SRPRB: variants seen among roughly 807,000 people sequenced by gnomAD.
SRPRB encodes SRP receptor subunit beta, also known as signal recognition particle receptor subunit beta.
In SRPRB, 20 loss-of-function variants were observed where a neutral mutation model predicts 31.9. The observed-to-expected ratio is 0.63, with a 90% CI of 0.44 to 0.91. SRPRB has a LOEUF of 0.91. SRPRB is among the 40% of genes least tolerant of loss of function. The pLI, the probability that SRPRB is intolerant of heterozygous loss-of-function variation, is 0.00. For synonymous variants in SRPRB, 146 were observed against 132.8 expected, an observed-to-expected ratio of 1.10 and a Z score of -0.68; for missense variants, 321 against 324.9, an observed-to-expected ratio of 0.99 and a Z score of 0.09.
chr3:133,816,611 G>T lies in SRPRB; in HGVS notation c.548-267G>T, dbSNP rs560704683. Among the ~76,000 whole-genome samples the T allele has an allele frequency of 2.0e-5, 3 of 152,268 alleles. No homozygotes were observed. In the East Asian group the frequency reaches 5.8e-4, roughly 29 times the overall value. On this transcript the variant is annotated intron_variant, in intron 5 of 6. Coordinates refer to ENST00000678299, the MANE Select transcript of SRPRB (RefSeq NM_001379313.1). ...TAAACTTATATGTTTTGAATTGAAA[G>T]GTCTATAAGGTGTGGAGAACTTTAG...
chr3:133,784,713 C>CCCTA (rs1445681959), intron 1 of SRPRB: 1 of 152,074 alleles, frequency 6.6e-6, no homozygotes, highest in East Asian at 1.9e-4. Flanking sequence ...GAAACCATGC[C>CCCTA]CCTACCTTCC....
upstream of SRPRB, among the ~76,000 whole-genome samples, chr3:133,803,729 T>G (rs1222262153): frequency 6.6e-6 from 1 of 151,172 alleles, no homozygotes; most frequent in Admixed American, 6.6e-5. Flanking sequence ...CAGTGGCATG[T>G]GATCACAGCT....
chr3:133,792,714 T>C (rs2107955253), intron 1 of SRPRB: 1 of 152,294 alleles, frequency 6.6e-6, no homozygotes, highest in East Asian at 1.9e-4. Flanking sequence ...GGCATGGGAA[T>C]GTAGATTTTT....
At chr3:133,804,079 G>C (rs533032079), upstream of SRPRB, among the ~76,000 whole-genome samples, 1 of 118,350 alleles carries the variant, frequency 8.4e-6, no homozygotes, top group Non-Finnish European at 1.6e-5. Context: ...CTGGGCAACA[G>C]AGCGAGACTC....
downstream of SRPRB, among the ~76,000 whole-genome samples, chr3:133,824,053 C>T (rs1481134354): frequency 6.6e-6 from 1 of 152,096 alleles, no homozygotes; most frequent in Non-Finnish European, 1.5e-5. Flanking sequence ...CATCTTTACC[C>T]CTTCGGAGTT....
intron 6 of SRPRB, 98 bp downstream of exon 6, chr3:133,817,030 C>T: frequency 5.4e-6 from 5 of 926,358 alleles, no homozygotes; most frequent in Non-Finnish European, 8.0e-6. Context: ...ATGTGATTAT[C>T]ACAATTATAG....
intron 1 of SRPRB, chr3:133,794,734 G>T (rs1336092747): frequency 6.6e-6 from 1 of 152,202 alleles, no homozygotes; most frequent in Non-Finnish European, 1.5e-5. Flanking sequence ...GCTAACCAGG[G>T]AAGTTTCTCT....
At chr3:133,814,233 G>A (rs62280622) in intron 4 of SRPRB, among the ~76,000 whole-genome samples, 5,906 of 150,782 alleles carry the variant, frequency 0.039, 134 homozygotes, top group South Asian at 0.066. Flanking sequence ...CCAGGTTTAC[G>A]CCATTCTCCT....
upstream of SRPRB, among the ~76,000 whole-genome samples, chr3:133,804,144 CAG>C (rs1421604324): frequency 6.8e-6 from 1 of 146,254 alleles, no homozygotes; most frequent in East Asian, 2.0e-4. Context: ...TTTGCAGAGA[CAG>C]AGTCTCACTA....
intron 6 of SRPRB, among the ~76,000 whole-genome samples, 196 bp from the exon 7 acceptor site, chr3:133,819,357 C>A (rs1442342354): frequency 4.0e-5 from 6 of 149,604 alleles, no homozygotes; most frequent in Non-Finnish European, 8.9e-5. Context: ...CTGACCCCCC[C>A]AGCCCGCCCC....
intron 1 of SRPRB, chr3:133,789,176 A>C (rs1934766083): frequency 6.6e-6 from 1 of 152,278 alleles, no homozygotes. Flanking sequence ...TCTAAGGACT[A>C]GTACTAAGCC....
chr3:133,798,587 A>T (rs1441692378), intron 1 of SRPRB, among the ~76,000 whole-genome samples: 1 of 152,210 alleles, frequency 6.6e-6, no homozygotes. Flanking sequence ...GAAAGGCAGG[A>T]TTACATTTTT....
Position 133,820,696 on chromosome 3 carries a change from T to G in SRPRB, c.*930T>G, listed in dbSNP as rs1935456466. The G allele has an allele frequency of 6.8e-6, 1 of 147,234 alleles. No individual in the cohort carries two copies. Among genetic ancestry groups the G allele is most frequent in the South Asian group, 2.3e-4 (1 of 4,386 alleles). The allele number at this position is 147,234 out of a possible 1,614,324, so 9.1% of individuals were successfully genotyped here. Reference sequence around the variant, plus strand: ...GCCTTTTTGAAGTGATGTTTTTTGCTGTCTTCTTAAACACAAGGCTTTTTT... The same window carrying G: ...GCCTTTTTGAAGTGATGTTTTTTGCGGTCTTCTTAAACACAAGGCTTTTTT... On this transcript the variant is annotated 3_prime_UTR_variant, in exon 7 of 7. Transcript: ENST00000678299.
Position 133,819,903 on chromosome 3 carries a change from T to C in SRPRB, c.*137T>C. On this transcript the variant is annotated 3_prime_UTR_variant, in exon 7 of 7. Transcript: ENST00000678299. ...CTTTGTTCTGGAAACAAAGTACTGT[T>C]GAAACCAGCTTGGAATTTTTTTTTT... 3.7e-6 allele frequency: 3 copies of C among 801,550 alleles called. No individual in the cohort carries two copies. Among genetic ancestry groups the C allele is most frequent in the African/African-American group, 1.7e-5 (1 of 57,320 alleles). The allele number at this position is 801,550 out of a possible 1,614,324, so 49.7% of individuals were successfully genotyped here. A position where few individuals can be genotyped will look rare whatever the true frequency, so the allele number is the denominator to read the frequency against.
chr3:133,809,566 G>T (rs1202452672), intron 3 of SRPRB, among the ~76,000 whole-genome samples: 27 of 151,844 alleles, frequency 1.8e-4, no homozygotes, highest in Non-Finnish European at 1.0e-4. Context: ...GAAATTCCAG[G>T]TTTGCAAGAT....
intron 1 of SRPRB, chr3:133,792,688 T>G (rs867570100): frequency 6.6e-6 from 1 of 152,192 alleles, no homozygotes; most frequent in South Asian, 2.1e-4. Flanking sequence ...GCATTTTCAG[T>G]GAAAGATTAT....
upstream of SRPRB, among the ~76,000 whole-genome samples, chr3:133,805,180 C>T (rs2107966862): frequency 6.6e-6 from 1 of 152,320 alleles, no homozygotes; most frequent in Admixed American, 6.5e-5. Flanking sequence ...TTCCTAGTTG[C>T]TTCCTTTAAT....
intron 1 of SRPRB, 95 bp downstream of exon 1, chr3:133,806,097 G>A: frequency 6.7e-7 from 1 of 1,493,084 alleles, no homozygotes; most frequent in Non-Finnish European, 9.0e-7. Flanking sequence ...GGCTGAGAGG[G>A]CGCCTTGAGG....
intron 1 of SRPRB, chr3:133,789,418 CA>C (rs1162203175): frequency 6.6e-6 from 1 of 152,192 alleles, no homozygotes; most frequent in Admixed American, 6.5e-5. Context: ...ATCAAACTGC[CA>C]TGGAAATTGC....
Sources: allele counts gnomAD v4.1 joint callset (sites outside exome capture counted in the v4.1 genomes callset), GRCh38; gene constraint gnomAD v4.1.1; transcripts MANE v1.5; gene names NCBI Gene and HGNC (gene_info 2026-07-23, HGNC 2026-07-21).